Variants in BNC2 observed in about 807,000 individuals in gnomAD.
BNC2 encodes basonuclin zinc finger protein 2.
In BNC2, 20 loss-of-function variants were observed where a neutral mutation model predicts 76.3. The observed-to-expected ratio is 0.26, with a 90% CI of 0.18 to 0.38. BNC2 has a LOEUF of 0.38. Among genes scored for constraint, BNC2 ranks in the 10% least tolerant of loss-of-function variants. The pLI, the probability that BNC2 is intolerant of heterozygous loss-of-function variation, is 1.00. For missense variants in BNC2, 1,382 were observed against 1,399.8 expected (o/e 0.99, Z 0.20); for synonymous variants, 582 against 514.8 (o/e 1.13, Z -1.77).
chr9:16,734,994 G>C (rs903574568), intron 2 of BNC2, among the ~76,000 whole-genome samples: 2 of 152,156 alleles, frequency 1.3e-5, no homozygotes, highest in African/African-American at 4.8e-5. Context: ...ATGTAATACA[G>C]TATCTGCTGA....
At chr9:16,528,938 C>T (rs1311872853) in intron 5 of BNC2, among the ~76,000 whole-genome samples, 1 of 152,184 alleles carries the variant, frequency 6.6e-6, no homozygotes, top group African/African-American at 2.4e-5. Flanking sequence ...GTTCCAGAGG[C>T]CAGAAGTTTG....
chr9:16,762,742 T>A (rs1254339897), intron 1 of BNC2, among the ~76,000 whole-genome samples: 2 of 152,182 alleles, frequency 1.3e-5, no homozygotes, highest in Non-Finnish European at 2.9e-5. Context: ...TCTGTCAACT[T>A]CTGGATTCCA....
chr9:16,774,040 G>A (rs760376962), intron 1 of BNC2, among the ~76,000 whole-genome samples: 13 of 152,110 alleles, frequency 8.5e-5, no homozygotes, highest in African/African-American at 1.7e-4. Context: ...GGAGTACAGC[G>A]TCACAATCTC....
At chr9:16,799,131 C>T (rs1436489538) in intron 1 of BNC2, among the ~76,000 whole-genome samples, 3 of 151,370 alleles carry the variant, frequency 2.0e-5, no homozygotes, top group Admixed American at 6.6e-5. Context: ...TTTTTTTTTC[C>T]GATTCTACAA....
intron 3 of BNC2, among the ~76,000 whole-genome samples, chr9:16,655,485 C>T (rs530914713): frequency 6.6e-6 from 1 of 152,076 alleles, no homozygotes; most frequent in Non-Finnish European, 1.5e-5. Flanking sequence ...ACAGTTCCTC[C>T]TTGACTATCT....
At chr9:16,545,382 C>G (rs935038767) in intron 5 of BNC2, among the ~76,000 whole-genome samples, 2 of 152,176 alleles carry the variant, frequency 1.3e-5, no homozygotes, top group South Asian at 2.1e-4. Flanking sequence ...CTACTAAGTG[C>G]TTTCTGTGAA....
chr9:16,694,873 C>T (rs1304068626), intron 3 of BNC2, among the ~76,000 whole-genome samples: 2 of 152,070 alleles, frequency 1.3e-5, no homozygotes, highest in African/African-American at 4.8e-5. Context: ...GGGATACCCC[C>T]CCACCCCCAT....
intron 4 of BNC2, 142 bp downstream of exon 4, chr9:16,582,841 T>G: frequency 1.4e-6 from 1 of 716,424 alleles, no homozygotes; most frequent in South Asian, 1.6e-5. Context: ...TAACTAACAC[T>G]TGGAGCACAG....
intron 1 of BNC2, among the ~76,000 whole-genome samples, chr9:16,803,377 A>G (rs114112266): frequency 6.6e-6 from 1 of 152,248 alleles, no homozygotes; most frequent in Non-Finnish European, 1.5e-5. Context: ...TGCCCCAAAA[A>G]GAGCAAAGTT....
intron 1 of BNC2, among the ~76,000 whole-genome samples, chr9:16,810,913 G>A (rs56751764): frequency 0.045 from 6,886 of 152,104 alleles, 507 homozygotes; most frequent in African/African-American, 0.16. Context: ...AAAGGGGCTC[G>A]AACTCTTTTA....
chr9:16,839,224 C>T (rs1303854823), intron 1 of BNC2, among the ~76,000 whole-genome samples: 8 of 152,182 alleles, frequency 5.3e-5, no homozygotes, highest in Admixed American at 6.5e-5. Flanking sequence ...ATATAATATA[C>T]ATATCTGAAA....
intron 1 of BNC2, among the ~76,000 whole-genome samples, chr9:16,811,207 AGCG>A (rs1257930754): frequency 1.9e-4 from 23 of 118,468 alleles, no homozygotes; most frequent in African/African-American, 6.9e-4. Flanking sequence ...TGGGCAACAG[AGCG>A]AGACTTCGTC....
chr9:16,519,496 G>C (rs911850801), intron 5 of BNC2, among the ~76,000 whole-genome samples: 1 of 152,184 alleles, frequency 6.6e-6, no homozygotes, highest in Non-Finnish European at 1.5e-5. Context: ...TTCTCATTTT[G>C]TAGTGGCGAA....
intron 5 of BNC2, among the ~76,000 whole-genome samples, chr9:16,526,467 C>CTTTTTTTTT (rs144511624): frequency 7.6e-4 from 37 of 48,820 alleles, no homozygotes; most frequent in African/African-American, 9.4e-4. Context: ...TAGTTTAATG[C>CTTTTTTTTT]TTTTTTTTTT....
intron 6 of BNC2, chr9:16,429,472 T>C (rs184810401): frequency 6.5e-6 from 1 of 154,304 alleles, no homozygotes; most frequent in African/African-American, 2.4e-5. Flanking sequence ...GAAGGTCAGA[T>C]AGATTCTGAG....
intron 1 of BNC2, among the ~76,000 whole-genome samples, chr9:16,796,783 T>C (rs1817666430): frequency 6.6e-6 from 1 of 152,206 alleles, no homozygotes. Flanking sequence ...GGAAACATTA[T>C]CTATAAACAC....
chr9:16,705,715 A>G (rs1823649412), intron 3 of BNC2, among the ~76,000 whole-genome samples: 1 of 151,600 alleles, frequency 6.6e-6, no homozygotes, highest in Non-Finnish European at 1.5e-5. Flanking sequence ...TTACATTTGC[A>G]TTGATAATTA....
intron 1 of BNC2, among the ~76,000 whole-genome samples, chr9:16,764,661 CTAATA>C (rs916691992): frequency 6.6e-6 from 1 of 151,206 alleles, no homozygotes; most frequent in Non-Finnish European, 1.5e-5. Flanking sequence ...CTTGAAACTA[CTAATA>C]TAACATTTTA....
intron 6 of BNC2, among the ~76,000 whole-genome samples, chr9:16,425,081 G>A (rs1167076692): frequency 2.0e-5 from 3 of 152,080 alleles, no homozygotes; most frequent in Non-Finnish European, 4.4e-5. Context: ...CCAAATGTAA[G>A]GAAGTACATA....
Sources: allele counts gnomAD v4.1 joint callset (sites outside exome capture counted in the v4.1 genomes callset), GRCh38; gene constraint gnomAD v4.1.1; transcripts MANE v1.5; gene names NCBI Gene and HGNC (gene_info 2026-07-23, HGNC 2026-07-21).